The following MICAL2 variants were observed in gnomAD, a reference collection of about 807,000 sequenced individuals.
MICAL2 encodes [F-actin]-monooxygenase MICAL2.
MICAL2 carries 77 observed loss-of-function variants against 127.3 expected under a neutral mutation model. That is an observed-to-expected ratio of 0.60 (90% CI 0.50 to 0.73). MICAL2 has a LOEUF of 0.73. Ranked by LOEUF, MICAL2 falls within the 30% of genes least tolerant of loss-of-function variation. The pLI is 0.00. For missense variants in MICAL2, 1,351 were observed against 1,434.4 expected (o/e 0.94, Z 0.94); for synonymous variants, 570 against 551.1 (o/e 1.03, Z -0.48).
At chr11:12,155,355 C>G (rs533064668) in intron 2 of MICAL2, among the ~76,000 whole-genome samples, 2 of 152,156 alleles carry the variant, frequency 1.3e-5, no homozygotes, top group East Asian at 1.9e-4. Flanking sequence ...CATACACATG[C>G]TACATATACA....
intron 34 of MICAL2, among the ~76,000 whole-genome samples, chr11:12,356,768 G>A (rs1589926051): frequency 6.6e-6 from 1 of 152,306 alleles, no homozygotes. Flanking sequence ...GTAACAGTGG[G>A]GCAAGTGGAC....
intron 29 of MICAL2, among the ~76,000 whole-genome samples, chr11:12,299,183 G>T (rs1467014648): frequency 2.0e-5 from 3 of 152,206 alleles, no homozygotes; most frequent in Non-Finnish European, 2.9e-5. Flanking sequence ...TTTCTTAGAA[G>T]AGTTTTGTGT....
intron 33 of MICAL2, among the ~76,000 whole-genome samples, chr11:12,354,284 C>G (rs1261711201): frequency 6.6e-6 from 1 of 152,232 alleles, no homozygotes; most frequent in Non-Finnish European, 1.5e-5. Context: ...CGAGACCAGC[C>G]TGGCCAACAG....
chr11:12,153,131 A>G (rs915438508), intron 2 of MICAL2: 1 of 151,804 alleles, frequency 6.6e-6, no homozygotes, highest in African/African-American at 2.4e-5. Flanking sequence ...CCTGGGCCCA[A>G]GCAATCCTCC....
chr11:12,310,688 T>A (rs1013157507), intron 29 of MICAL2, among the ~76,000 whole-genome samples: 2 of 140,014 alleles, frequency 1.4e-5, no homozygotes, highest in Non-Finnish European at 3.2e-5. Context: ...ATTTTAGGAT[T>A]TTTTTTTTCT....
intron 2 of MICAL2, among the ~76,000 whole-genome samples, chr11:12,142,406 C>A (rs1432513705): frequency 6.6e-6 from 1 of 152,196 alleles, no homozygotes; most frequent in East Asian, 1.9e-4. Context: ...CCAGCCTTAG[C>A]AGGAGTAGCC....
intron 3 of MICAL2, among the ~76,000 whole-genome samples, chr11:12,166,429 A>G (rs542256165): frequency 1.3e-5 from 2 of 152,346 alleles, no homozygotes; most frequent in African/African-American, 4.8e-5. Context: ...TTATGTGAAG[A>G]CAGATATGTA....
chr11:12,294,574 G>A, downstream of MICAL2: 2 of 1,614,194 alleles, frequency 1.2e-6, no homozygotes, highest in African/African-American at 1.3e-5. Context: ...GTTTGCAAGA[G>A]AACTTCCCAG....
intron 9 of MICAL2, 133 bp downstream of exon 9, chr11:12,220,591 C>A: frequency 7.9e-7 from 1 of 1,259,652 alleles, no homozygotes; most frequent in Non-Finnish European, 1.1e-6. Context: ...CTCTGCCAAG[C>A]CTGTCCCGGC....
At chr11:12,126,583 C>G (rs889129029) in intron 1 of MICAL2, among the ~76,000 whole-genome samples, 1 of 151,852 alleles carries the variant, frequency 6.6e-6, no homozygotes, top group African/African-American at 2.4e-5. Context: ...AATTAAGAAG[C>G]ATTTATTGAA....
chr11:12,322,165 G>A (rs1864306801), intron 30 of MICAL2, among the ~76,000 whole-genome samples: 1 of 152,258 alleles, frequency 6.6e-6, no homozygotes, highest in Non-Finnish European at 1.5e-5. Context: ...CTGGCATATA[G>A]CATTTGGTAA....
downstream of MICAL2, among the ~76,000 whole-genome samples, chr11:12,296,421 A>G (rs1420896408): frequency 6.6e-6 from 1 of 151,618 alleles, no homozygotes; most frequent in Non-Finnish European, 1.5e-5. Flanking sequence ...AGGCTGCAGT[A>G]TAACTCTTAA....
chr11:12,259,776 A>T lies in MICAL2; in HGVS notation c.3232-19A>T. ...GGAAGACTTACAGACAAATGCCCTC[A>T]TTTCCATCTCTTTCTCAGGAGGAGG... On this transcript the variant is annotated intron_variant, in intron 25 of 27. Transcript: ENST00000683283. 6.6e-7 allele frequency: 1 copy of T among 1,525,170 alleles called. No individual in the cohort carries two copies. The highest frequency in any genetic ancestry group is 1.4e-5 in the African/African-American group (1 of 72,130). The allele number at this position is 1,525,170 out of a possible 1,614,324, so 94.5% of individuals were successfully genotyped here.
chr11:12,111,939 C>G (rs879465587), intron 1 of MICAL2, among the ~76,000 whole-genome samples: 1 of 152,198 alleles, frequency 6.6e-6, no homozygotes, highest in Non-Finnish European at 1.5e-5. Context: ...ACCGTAAGAA[C>G]TCACTTTCTT....
At chr11:12,175,278 C>G (rs1218476784) in intron 3 of MICAL2, among the ~76,000 whole-genome samples, 2 of 152,092 alleles carry the variant, frequency 1.3e-5, no homozygotes, top group Non-Finnish European at 2.9e-5. Flanking sequence ...AAGTTCGAGA[C>G]CAGCCTGGCC....
At chr11:12,311,773 G>A (rs1434421967) in intron 29 of MICAL2, among the ~76,000 whole-genome samples, 1 of 152,148 alleles carries the variant, frequency 6.6e-6, no homozygotes, top group African/African-American at 2.4e-5. Context: ...CACAACTTGA[G>A]AGTGTCCTTT....
chr11:12,189,829 T>C (rs1858847138), intron 3 of MICAL2, among the ~76,000 whole-genome samples: 1 of 152,158 alleles, frequency 6.6e-6, no homozygotes, highest in Admixed American at 6.5e-5. Flanking sequence ...GGCCAAAGAT[T>C]TCCCAGGCAG....
intron 3 of MICAL2, among the ~76,000 whole-genome samples, chr11:12,182,105 G>A (rs2133955354): frequency 6.6e-6 from 1 of 152,274 alleles, no homozygotes; most frequent in Middle Eastern, 3.4e-3. Context: ...TTATTGTAAG[G>A]TGTTAGACCT....
intron 22 of MICAL2, chr11:12,254,274 T>TC (rs1861993231): frequency 6.6e-6 from 1 of 152,220 alleles, no homozygotes; most frequent in East Asian, 1.9e-4. Flanking sequence ...TCTCGTGCAG[T>TC]CCTTCCCACA....
Sources: gnomAD v4.1 joint callset for allele counts (sites outside exome capture counted in the v4.1 genomes callset) on GRCh38, gnomAD v4.1.1 for gene constraint, MANE v1.5 for transcripts, NCBI Gene and HGNC (gene_info 2026-07-23, HGNC 2026-07-21) for gene names.